PTPRR: variants seen among roughly 807,000 people sequenced by gnomAD.
PTPRR encodes protein tyrosine phosphatase receptor type R.
In PTPRR, 38 loss-of-function variants were observed where a neutral mutation model predicts 77.2. That is an observed-to-expected ratio of 0.49 (90% CI 0.38 to 0.65). PTPRR has a LOEUF of 0.65. Among genes scored for constraint, PTPRR ranks in the 30% least tolerant of loss-of-function variants. PTPRR has a pLI of 0.00. For missense variants in PTPRR, 744 were observed against 799.2 expected (o/e 0.93, Z 0.83); for synonymous variants, 299 against 283.1 (o/e 1.06, Z -0.57).
intron 13 of PTPRR, among the ~76,000 whole-genome samples, chr12:70,644,191 A>G (rs900959830): frequency 1.3e-5 from 2 of 152,220 alleles, no homozygotes; most frequent in Non-Finnish European, 2.9e-5. Flanking sequence ...GTGTTTCCCA[A>G]TGTATGACTG....
rs1362425830 is a variant in PTPRR, at chr12:70,671,886, G to A, written c.1498-9281C>T. On this transcript the variant is annotated intron_variant, in intron 10 of 13. Transcript: ENST00000283228. ...CTGGCCCCACAAGCACTAACCCAGC[G>A]CAGGAGGACCAGCCACCGCCGCCAG... 4.4e-5 allele frequency: 31 copies of A among 708,914 alleles called. No individual in the cohort carries two copies. In the Admixed American group the frequency reaches 5.7e-4, roughly 13 times the overall value. The allele number at this position is 708,914 out of a possible 1,614,324, so 43.9% of individuals were successfully genotyped here.
intron 2 of PTPRR, among the ~76,000 whole-genome samples, chr12:70,782,389 C>T (rs992231388): frequency 6.6e-5 from 10 of 152,206 alleles, no homozygotes; most frequent in South Asian, 6.3e-4. Context: ...CACATGCACA[C>T]GTATGTTTAT....
chr12:70,882,471 C>T (rs1893165877), intron 2 of PTPRR, among the ~76,000 whole-genome samples: 1 of 152,092 alleles, frequency 6.6e-6, no homozygotes, highest in South Asian at 2.1e-4. Flanking sequence ...TCATACTAAA[C>T]ACTTTGGAGA....
intron 1 of PTPRR, among the ~76,000 whole-genome samples, chr12:70,917,481 G>C (rs968464207): frequency 6.6e-6 from 1 of 152,108 alleles, no homozygotes; most frequent in Non-Finnish European, 1.5e-5. Context: ...CAACTTCCTT[G>C]TTAGGTGATC....
intron 10 of PTPRR, among the ~76,000 whole-genome samples, chr12:70,667,413 G>A (rs758205455): frequency 1.3e-5 from 2 of 152,114 alleles, no homozygotes; most frequent in Non-Finnish European, 1.5e-5. Context: ...TTGTTTGGGC[G>A]CAGTCAGCAT....
At chr12:70,916,837 T>C (rs747857842) in intron 1 of PTPRR, among the ~76,000 whole-genome samples, 3 of 152,202 alleles carry the variant, frequency 2.0e-5, no homozygotes, top group Non-Finnish European at 1.5e-5. Flanking sequence ...AGGAGATACA[T>C]TGAAGGCAGT....
intron 2 of PTPRR, among the ~76,000 whole-genome samples, chr12:70,850,325 CT>C (rs1222192849): frequency 5.9e-5 from 9 of 151,694 alleles, no homozygotes; most frequent in Non-Finnish European, 8.8e-5. Context: ...TGCCACTGCA[CT>C]CCAGCCTGGG....
intron 2 of PTPRR, among the ~76,000 whole-genome samples, chr12:70,856,022 T>C (rs372054928): frequency 4.3e-4 from 65 of 152,252 alleles, no homozygotes; most frequent in African/African-American, 1.6e-3. Flanking sequence ...CAATATTTTT[T>C]TCCTCCTATA....
chr12:70,641,227 C>T (rs1480951094), intron 13 of PTPRR, among the ~76,000 whole-genome samples: 3 of 152,208 alleles, frequency 2.0e-5, no homozygotes, highest in Non-Finnish European at 4.4e-5. Context: ...GGCATTTGCA[C>T]AGCTCAGGGC....
At chr12:70,818,611 T>C (rs976384749) in intron 2 of PTPRR, among the ~76,000 whole-genome samples, 1 of 152,222 alleles carries the variant, frequency 6.6e-6, no homozygotes, top group East Asian at 1.9e-4. Flanking sequence ...CTTTATGTCT[T>C]ACAGTGATTT....
intron 1 of PTPRR, among the ~76,000 whole-genome samples, chr12:70,899,682 A>G (rs1893498052): frequency 6.6e-6 from 1 of 151,448 alleles, no homozygotes; most frequent in African/African-American, 2.4e-5. Flanking sequence ...CCATTCCTAT[A>G]TAACACTGTA....
chr12:70,806,064 C>T (rs1891704601), intron 2 of PTPRR, among the ~76,000 whole-genome samples: 1 of 152,164 alleles, frequency 6.6e-6, no homozygotes, highest in African/African-American at 2.4e-5. Context: ...AGGCATTGAT[C>T]TGGTAGATTT....
At chr12:70,674,979 T>C (rs548140687) in intron 10 of PTPRR, among the ~76,000 whole-genome samples, 4 of 152,104 alleles carry the variant, frequency 2.6e-5, no homozygotes, top group Non-Finnish European at 5.9e-5. Context: ...GTGTTATAGA[T>C]TGACATTCCT....
At chr12:70,672,826 G>A (rs1270366906) in intron 10 of PTPRR, 1 of 1,563,520 alleles carries the variant, frequency 6.4e-7, no homozygotes, top group Admixed American at 1.7e-5. Flanking sequence ...GTGTGAAATT[G>A]AAGAACTAGG....
At chr12:70,895,635 T>G (rs1289940165) in intron 1 of PTPRR, among the ~76,000 whole-genome samples, 2 of 151,568 alleles carry the variant, frequency 1.3e-5, no homozygotes, top group Non-Finnish European at 3.0e-5. Context: ...ACCCGGGACA[T>G]GATGATACAG....
At position 70,745,924 on chromosome 12, in the gene PTPRR, C is replaced by T. The variant is rs1444078376; in HGVS notation, c.901G>A (p.Val301Ile). 5.0e-6 allele frequency: 8 copies of T among 1,614,128 alleles called. No homozygotes were observed. The highest frequency in any genetic ancestry group is 5.9e-6 in the Non-Finnish European group (7 of 1,180,028). ...CCTCGGCCTTGAGGGTCCACGACAA[C>T]ATTCAGTACCTTTGGGGCCTGCTCA... is the stretch of plus-strand genomic sequence containing the variant. The part of the protein sequence containing the change: ...QPEQAPKVLN[V>I]VVDPQGRGAP... Residue 301 changes from valine (V) to isoleucine (I), a missense_variant, in exon 6 of 14, where the codon GTT (valine) becomes ATT (isoleucine). Physicochemically the swap from Val to Ile is conservative, Grantham distance 29. This residue lies in a region of PTPRR where 570 missense variants were observed against 573.2 expected (regional missense o/e 0.99). Transcript: ENST00000283228.
chr12:70,831,648 T>C (rs1056781804), intron 2 of PTPRR, among the ~76,000 whole-genome samples: 1 of 152,214 alleles, frequency 6.6e-6, no homozygotes, highest in African/African-American at 2.4e-5. Context: ...TTTTGGCTGG[T>C]GTTCTGAAGA....
chr12:70,920,719 G>A lies in PTPRR; in HGVS notation c.-329C>T, dbSNP rs889720947. 1.8e-4 allele frequency: 56 copies of A among 307,774 alleles called. No homozygotes were observed. Among genetic ancestry groups the A allele is most frequent in the Admixed American group, 7.6e-4 (19 of 25,052 alleles). The allele number at this position is 307,774 out of a possible 1,614,324, so 19.1% of individuals were successfully genotyped here. On this transcript the variant is annotated 5_prime_UTR_variant, in exon 1 of 14. Coordinates refer to ENST00000283228, the MANE Select transcript of PTPRR (RefSeq NM_002849.4). ...GCGCCAGCCCAGCAGCCCAGCAGCA[G>A]CGCCGCGGCTACTGAGCATGCCCAG...
At chr12:70,897,222 C>T (rs1399289381) in intron 1 of PTPRR, among the ~76,000 whole-genome samples, 5 of 151,694 alleles carry the variant, frequency 3.3e-5, no homozygotes, top group East Asian at 1.9e-4. Flanking sequence ...AGGCAACCTA[C>T]AAAATGGGAG....
Sources: allele counts gnomAD v4.1 joint callset (sites outside exome capture counted in the v4.1 genomes callset), GRCh38; gene constraint gnomAD v4.1.1; regional missense constraint gnomAD v4.1.1; transcripts MANE v1.5; gene names NCBI Gene and HGNC (gene_info 2026-07-23, HGNC 2026-07-21).